The following ANK2 variants were observed in gnomAD, a reference collection of about 807,000 sequenced individuals.
ANK2 encodes ankyrin-2.
ANK2 carries 83 observed loss-of-function variants against 360.5 expected under a neutral mutation model. The observed-to-expected ratio is 0.23, with a 90% CI of 0.19 to 0.28. ANK2 has a LOEUF of 0.28. ANK2 is among the 10% of genes least tolerant of loss of function. ANK2 has a pLI of 1.00. For synonymous variants in ANK2, 1,740 were observed against 1,759.5 expected (o/e 0.99, Z 0.28); for missense variants, 4,201 against 4,795.7 (o/e 0.88, Z 3.66).
At chr4:112,870,332 T>C (rs964264734) in intron 1 of ANK2, among the ~76,000 whole-genome samples, 1 of 152,226 alleles carries the variant, frequency 6.6e-6, no homozygotes, top group African/African-American at 2.4e-5. Flanking sequence ...TCTGCAGTCA[T>C]CTACAATGCT....
rs779559603 is a variant in ANK2 at position 113,353,570 on chromosome 4, C to A, written c.4952C>A (p.Pro1651His). ...TDDLNTCVPL[P>H]KEQLQTVQDK... ...GATCTGAATACCTGTGTGCCTCTTC[C>A]CAAAGAGCAGCTGCAGACAGTTCAA... is the stretch of plus-strand genomic sequence containing the variant. The change falls in exon 38 of 46, where the codon CCC becomes CAC. Residue 1651 changes from proline (P) to histidine (H), a missense_variant. By Grantham distance (77) the Pro-to-His change is moderately conservative (BLOSUM62 -2). Transcript: ENST00000357077. 6 of 1,613,750 alleles carry A rather than the reference C, an allele frequency of 3.7e-6. No homozygotes were observed. Among genetic ancestry groups the A allele is most frequent in the African/African-American group, 1.3e-5 (1 of 74,816 alleles).
At chr4:113,338,317 A>T (rs2093813524) in intron 31 of ANK2, among the ~76,000 whole-genome samples, 1 of 152,144 alleles carries the variant, frequency 6.6e-6, no homozygotes, top group African/African-American at 2.4e-5. Flanking sequence ...CTCAGTAGAC[A>T]TGAAAGACAG....
the ANK2 span, among the ~76,000 whole-genome samples, chr4:112,796,465 T>C: frequency 8.2e-4 from 124 of 150,398 alleles, no homozygotes; most frequent in East Asian, 1.8e-3. Flanking sequence ...TCTATATATA[T>C]ACACACACAC....
chr4:113,305,915 A>T (rs2077066393), intron 23 of ANK2, among the ~76,000 whole-genome samples: 1 of 152,158 alleles, frequency 6.6e-6, no homozygotes, highest in East Asian at 1.9e-4. Flanking sequence ...AATATTAAGG[A>T]TGTTTCTTTA....
chr4:112,753,223 C>T, the ANK2 span, among the ~76,000 whole-genome samples: 1 of 152,186 alleles, frequency 6.6e-6, no homozygotes, highest in Non-Finnish European at 1.5e-5. Flanking sequence ...AATAAATGTG[C>T]AGGCAAGTGG....
chr4:113,348,875 C>T (rs553395232), intron 36 of ANK2, among the ~76,000 whole-genome samples: 57 of 152,190 alleles, frequency 3.7e-4, no homozygotes, highest in African/African-American at 2.6e-4. Flanking sequence ...CACACACCAT[C>T]GGAAGTTTTT....
At chr4:113,307,932 C>T (rs2078046624) in intron 23 of ANK2, among the ~76,000 whole-genome samples, 1 of 152,096 alleles carries the variant, frequency 6.6e-6, no homozygotes. Context: ...AGTCATAAAC[C>T]TGGGAATCAT....
At chr4:112,768,200 C>A in the ANK2 span, among the ~76,000 whole-genome samples, 1 of 152,058 alleles carries the variant, frequency 6.6e-6, no homozygotes, top group Non-Finnish European at 1.5e-5. Context: ...AGTCCTCATC[C>A]CAACTGAACT....
chr4:112,775,608 G>A, the ANK2 span, among the ~76,000 whole-genome samples: 4 of 151,534 alleles, frequency 2.6e-5, no homozygotes, highest in Non-Finnish European at 5.9e-5. Context: ...GTTGGGTATC[G>A]TTAACTGAGA....
intron 2 of ANK2, among the ~76,000 whole-genome samples, chr4:112,978,953 G>A (rs2042263488): frequency 6.6e-6 from 1 of 152,188 alleles, no homozygotes; most frequent in South Asian, 2.1e-4. Context: ...AGCTTGAGTA[G>A]ATTATTTCTC....
At chr4:113,381,328 C>A in intron 45 of ANK2, 129 bp from the exon 46 acceptor site, 1 of 962,310 alleles carries the variant, frequency 1.0e-6, no homozygotes, top group Non-Finnish European at 1.7e-6. Context: ...GTTTGTTATG[C>A]TAATAGTTTG....
intron 41 of ANK2, among the ~76,000 whole-genome samples, chr4:113,366,168 C>T (rs2096526729): frequency 6.6e-6 from 1 of 152,148 alleles, no homozygotes; most frequent in Non-Finnish European, 1.5e-5. Context: ...AAAGAACAGT[C>T]TGAATTTCCT....
At chr4:113,096,870 A>T (rs1368210171) in intron 1 of ANK2, among the ~76,000 whole-genome samples, 2 of 151,966 alleles carry the variant, frequency 1.3e-5, no homozygotes, top group African/African-American at 2.4e-5. Flanking sequence ...TCATTCTACC[A>T]GTCCACACAA....
intron 2 of ANK2, among the ~76,000 whole-genome samples, chr4:113,184,599 C>T (rs968330514): frequency 6.6e-6 from 1 of 152,120 alleles, no homozygotes; most frequent in African/African-American, 2.4e-5. Context: ...TCATTTTTCT[C>T]CTGGTTATTT....
At chr4:112,773,840 G>A in the ANK2 span, among the ~76,000 whole-genome samples, 7 of 151,392 alleles carry the variant, frequency 4.6e-5, no homozygotes, top group African/African-American at 7.3e-5. Flanking sequence ...TTGCTGTATC[G>A]CCTAGGCTGG....
chr4:112,746,521 A>AG, the ANK2 span, among the ~76,000 whole-genome samples: 1 of 151,404 alleles, frequency 6.6e-6, no homozygotes, highest in South Asian at 2.1e-4. Context: ...AAAAAAAAAA[A>AG]AAGAGAAAAA....
intron 16 of ANK2, 30 bp from the exon 17 acceptor site, chr4:113,278,430 A>G (rs1239290772): frequency 1.2e-6 from 2 of 1,600,578 alleles, no homozygotes; most frequent in Non-Finnish European, 8.6e-7. Context: ...CTAATTTATT[A>G]ATGCTGAAAC....
the ANK2 span, among the ~76,000 whole-genome samples, chr4:112,710,493 C>G: frequency 2.8e-4 from 42 of 152,186 alleles, no homozygotes; most frequent in African/African-American, 9.9e-4. Context: ...GTCAGGAGTT[C>G]AAGACCGGCC....
At chr4:113,329,228 G>A (rs1171695953) in intron 26 of ANK2, among the ~76,000 whole-genome samples, 1 of 152,150 alleles carries the variant, frequency 6.6e-6, no homozygotes, top group Non-Finnish European at 1.5e-5. Context: ...TTTAATGAGT[G>A]TTAATACCAA....
Sources: allele counts gnomAD v4.1 joint callset (sites outside exome capture counted in the v4.1 genomes callset), GRCh38; gene constraint gnomAD v4.1.1; transcripts MANE v1.5; gene names NCBI Gene and HGNC (gene_info 2026-07-23, HGNC 2026-07-21).